The following NLGN4X variants were observed in gnomAD, a reference collection of about 807,000 sequenced individuals.
The protein encoded by NLGN4X is neuroligin-4, X-linked.
A neutral mutation model predicts 40.3 loss-of-function variants in NLGN4X; 3 were observed. The ratio of observed to expected loss-of-function variants is 0.07; its 90% CI spans 0.03 to 0.19. NLGN4X has a LOEUF of 0.19. NLGN4X is among the 10% of genes least tolerant of loss of function. The probability of loss-of-function intolerance (pLI) is 1.00; values close to 1 mark genes in which losing one functional copy is unlikely to be tolerated. For missense variants in NLGN4X, 382 were observed against 708.3 expected (o/e 0.54, Z 5.23); for synonymous variants, 270 against 306.8 (o/e 0.88, Z 1.25).
chrX:6,126,844 T>C (rs1255847141), intron 2 of NLGN4X, among the ~76,000 whole-genome samples: 1 of 112,368 alleles, frequency 8.9e-6, no homozygotes, highest in Non-Finnish European at 1.9e-5. Context: ...ATGTTGAAGA[T>C]GAAAAATATA....
Position 5,939,664 on chromosome X carries a change from C to A in NLGN4X, c.626-30425G>T, listed in dbSNP as rs1601920521. Among the ~76,000 whole-genome samples the A allele has an allele frequency of 4.5e-5, 5 of 111,588 alleles. No individual in the cohort carries two copies. The Admixed American group carries it at 4.8e-4, about 11-fold the overall frequency. On this transcript the variant is annotated intron_variant, in intron 3 of 5. Coordinates refer to ENST00000381095, the MANE Select transcript of NLGN4X (RefSeq NM_181332.3). ...GATATTAAGCTTTCCCTTTTCCAAG[C>A]ATCTTTCAAATTATGATTTTCAGTC...
In NLGN4X at chrX:5,891,558, C is replaced by G. The variant is rs1191440216; in HGVS notation, c.*1259G>C. 1 of 278,174 alleles carries G rather than the reference C, an allele frequency of 3.6e-6. No homozygotes were observed. The allele number at this position is 278,174 out of a possible 1,213,427, so 22.9% of individuals were successfully genotyped here. ...CCCGCAGCTGCTAGGGAACACAGAG[C>G]CGTATTTACTCCAAGGGGCATAGCC... On this transcript the variant is annotated 3_prime_UTR_variant, in exon 6 of 6. Coordinates refer to ENST00000381095, the MANE Select transcript of NLGN4X (RefSeq NM_181332.3).
At chrX:6,069,714 G>A (rs1322016950) in intron 2 of NLGN4X, among the ~76,000 whole-genome samples, 1 of 111,868 alleles carries the variant, frequency 8.9e-6, no homozygotes, top group East Asian at 2.8e-4. Flanking sequence ...TATTCATGCT[G>A]AAATACAAAA....
At chrX:6,221,400 T>C (rs1290286993) in intron 1 of NLGN4X, among the ~76,000 whole-genome samples, 53 of 62,050 alleles carry the variant, frequency 8.5e-4, no homozygotes, top group Admixed American at 4.1e-3. Flanking sequence ...ATTATATATA[T>C]ATATATATAT....
At chrX:6,029,190 C>A in intron 3 of NLGN4X, 90 bp downstream of exon 3, 1 of 1,015,800 alleles carries the variant, frequency 9.8e-7, no homozygotes, top group Non-Finnish European at 1.4e-6. Flanking sequence ...ACTGGAATAA[C>A]AGGATTCAAA....
chrX:5,923,704 C>T (rs6654801), intron 3 of NLGN4X, among the ~76,000 whole-genome samples: 442 of 111,779 alleles, frequency 4.0e-3, no homozygotes, highest in African/African-American at 0.014. Context: ...ACTTGCCTCC[C>T]GCTGGGTCCC....
chrX:6,099,023 C>G (rs1240854287), intron 2 of NLGN4X, among the ~76,000 whole-genome samples: 1 of 112,212 alleles, frequency 8.9e-6, no homozygotes, highest in Non-Finnish European at 1.9e-5. Flanking sequence ...CCTCTTCCCA[C>G]TAGACATCAG....
chrX:5,913,338 A>G (rs1386013579), intron 3 of NLGN4X, among the ~76,000 whole-genome samples: 1 of 111,638 alleles, frequency 9.0e-6, no homozygotes, highest in Non-Finnish European at 1.9e-5. Context: ...AGAGCCACAC[A>G]TGATACCAAA....
chrX:6,023,661 C>T (rs2036610045), intron 3 of NLGN4X, among the ~76,000 whole-genome samples: 1 of 111,426 alleles, frequency 9.0e-6, no homozygotes, highest in Admixed American at 9.5e-5. Context: ...AGGGAGTTTA[C>T]GAAGATTAAA....
intron 3 of NLGN4X, among the ~76,000 whole-genome samples, chrX:5,973,315 T>C (rs2035080461): frequency 8.9e-6 from 1 of 112,327 alleles, no homozygotes; most frequent in Non-Finnish European, 1.9e-5. Flanking sequence ...CAGATTTGAG[T>C]AGTCAGGACA....
intron 2 of NLGN4X, among the ~76,000 whole-genome samples, chrX:6,048,697 A>G (rs2037390997): frequency 9.0e-6 from 1 of 111,239 alleles, no homozygotes; most frequent in Non-Finnish European, 1.9e-5. Flanking sequence ...CTTTGCAGAG[A>G]CATGGATGGA....
intron 5 of NLGN4X, among the ~76,000 whole-genome samples, chrX:5,902,587 G>A (rs762745535): frequency 8.9e-6 from 1 of 112,322 alleles, no homozygotes; most frequent in Non-Finnish European, 1.9e-5. Context: ...TACTCAGGAG[G>A]CTGAGGCAGG....
At chrX:6,107,470 A>G (rs1262851831) in intron 2 of NLGN4X, among the ~76,000 whole-genome samples, 2 of 111,678 alleles carry the variant, frequency 1.8e-5, no homozygotes, top group Non-Finnish European at 3.8e-5. Context: ...GACACATAAC[A>G]TAAGGGTTTT....
chrX:6,208,277 G>A (rs770804514), intron 1 of NLGN4X, among the ~76,000 whole-genome samples: 49 of 112,225 alleles, frequency 4.4e-4, no homozygotes, highest in Admixed American at 2.9e-3. Flanking sequence ...TAAGCTAGCT[G>A]CATTTCGTTC....
chrX:6,031,517 T>C (rs2036856737), intron 2 of NLGN4X, among the ~76,000 whole-genome samples: 1 of 111,334 alleles, frequency 9.0e-6, no homozygotes, highest in Non-Finnish European at 1.9e-5. Context: ...ACAGTTGATT[T>C]ATGAAGATAA....
chrX:5,993,621 C>T (rs1292531101), intron 3 of NLGN4X, among the ~76,000 whole-genome samples: 1 of 112,252 alleles, frequency 8.9e-6, no homozygotes, highest in Admixed American at 9.4e-5. Context: ...GACTGTGGGG[C>T]TGGCCACACC....
At chrX:5,901,862 G>A (rs1306147981) in intron 5 of NLGN4X, among the ~76,000 whole-genome samples, 1 of 105,652 alleles carries the variant, frequency 9.5e-6, no homozygotes, top group Non-Finnish European at 1.9e-5. Flanking sequence ...AAATATATTT[G>A]TGTGTATATA....
rs1305958507 is a variant in NLGN4X at position 5,891,232 on chromosome X, A to G, written c.*1585T>C. On this transcript the variant is annotated 3_prime_UTR_variant, in exon 6 of 6. Transcript: ENST00000381095. ...TAAAATGGGTGAATAATTTCCATTCAATGTCTTCTCAGTGAAGTTATCCTA... is the reference window on the plus strand; with the variant it reads ...TAAAATGGGTGAATAATTTCCATTCGATGTCTTCTCAGTGAAGTTATCCTA... 7.2e-5 allele frequency: 17 copies of G among 237,278 alleles called. No individual in the cohort carries two copies. Among genetic ancestry groups the G allele is most frequent in the South Asian group, 5.3e-4 (11 of 20,901 alleles). 19.6% of individuals were successfully genotyped at this position (237,278 alleles called of 1,213,427 possible).
chrX:6,050,653 T>A (rs966471048), intron 2 of NLGN4X, among the ~76,000 whole-genome samples: 2 of 111,603 alleles, frequency 1.8e-5, no homozygotes, highest in African/African-American at 6.5e-5. Flanking sequence ...TATCCATCGA[T>A]CTATCATCTA....
Sources: gnomAD v4.1 joint callset for allele counts (sites outside exome capture counted in the v4.1 genomes callset) on GRCh38, gnomAD v4.1.1 for gene constraint, MANE v1.5 for transcripts, NCBI Gene and HGNC (gene_info 2026-07-23, HGNC 2026-07-21) for gene names.